Variants in DNTT observed in about 807,000 individuals in gnomAD.
DNTT encodes nucleosidetriphosphate:DNA deoxynucleotidylexotransferase.
DNTT carries 47 observed loss-of-function variants against 60.9 expected under a neutral mutation model. The ratio of observed to expected loss-of-function variants is 0.77; its 90% CI spans 0.61 to 0.98. The LOEUF (loss-of-function observed/expected upper bound fraction) is 0.98, where lower values mean the gene tolerates loss of function less well. DNTT is among the 50% of genes least tolerant of loss of function. The pLI, the probability that DNTT is intolerant of heterozygous loss-of-function variation, is 0.00. For missense variants in DNTT, 665 were observed against 627.5 expected, an observed-to-expected ratio of 1.06 and a Z score of -0.64; for synonymous variants, 224 against 221.2, an observed-to-expected ratio of 1.01 and a Z score of -0.11.
At chr10:96,337,229 G>A (rs2133997939) in intron 10 of DNTT, among the ~76,000 whole-genome samples, 1 of 152,258 alleles carries the variant, frequency 6.6e-6, no homozygotes, top group East Asian at 1.9e-4. Flanking sequence ...TTTCCTAATA[G>A]TTCCCCCAAG....
chr10:96,320,338 T>C (rs1259649815), intron 3 of DNTT, among the ~76,000 whole-genome samples: 2 of 152,218 alleles, frequency 1.3e-5, no homozygotes, highest in African/African-American at 4.8e-5. Flanking sequence ...AGCAAGATGC[T>C]GTGAGCACCA....
intron 1 of DNTT, among the ~76,000 whole-genome samples, chr10:96,315,704 G>T (rs1301941457): frequency 6.6e-6 from 1 of 151,310 alleles, no homozygotes; most frequent in African/African-American, 2.4e-5. Flanking sequence ...TCAGGGTTAG[G>T]TAAAACTCTA....
At chr10:96,334,162 G>A (rs1376285551) in intron 9 of DNTT, among the ~76,000 whole-genome samples, 2 of 152,178 alleles carry the variant, frequency 1.3e-5, no homozygotes, top group African/African-American at 4.8e-5. Flanking sequence ...CACAAGTTGA[G>A]TTCATCCCAG....
intron 1 of DNTT, among the ~76,000 whole-genome samples, chr10:96,311,540 A>G (rs1844713639): frequency 6.6e-6 from 1 of 152,262 alleles, no homozygotes; most frequent in African/African-American, 2.4e-5. Flanking sequence ...AGTTAATTCC[A>G]TAACCCAGGG....
rs1228057725 is a variant in DNTT at position 96,335,867 on chromosome 10, T to A, written c.1360-24T>A. 4 of 1,611,844 alleles carry A rather than the reference T, an allele frequency of 2.5e-6. No individual in the cohort carries two copies. The African/African-American group carries it at 5.3e-5, about 22-fold the overall frequency. ...AAGACATTCTAGACGTGTTAATAAT[T>A]TATTTTAACTATCTCCTATCCAGCA... On this transcript the variant is annotated intron_variant, in intron 9 of 10. Coordinates refer to ENST00000371174, the MANE Select transcript of DNTT (RefSeq NM_004088.4).
chr10:96,323,789 T>C (rs2133990518), intron 5 of DNTT, among the ~76,000 whole-genome samples: 1 of 152,320 alleles, frequency 6.6e-6, no homozygotes, highest in African/African-American at 2.4e-5. Context: ...AGCACAGGCT[T>C]GGAGTGTAAA....
chr10:96,320,374 T>C (rs572655166), intron 3 of DNTT, among the ~76,000 whole-genome samples: 1 of 152,302 alleles, frequency 6.6e-6, no homozygotes, highest in Admixed American at 6.5e-5. Flanking sequence ...AAATCATCTG[T>C]GAATGTTTAA....
chr10:96,336,673 G>T (rs553457227), intron 10 of DNTT, among the ~76,000 whole-genome samples: 2 of 152,186 alleles, frequency 1.3e-5, no homozygotes, highest in Admixed American at 6.5e-5. Context: ...GTGGCCAGGC[G>T]CAGTGGCTCA....
At chr10:96,307,732 T>TATAA (rs1224738041) in intron 1 of DNTT, among the ~76,000 whole-genome samples, 1 of 118,490 alleles carries the variant, frequency 8.4e-6, no homozygotes, top group South Asian at 2.7e-4. Flanking sequence ...TATATATATA[T>TATAA]AAGCATATAT....
intron 4 of DNTT, 35 bp from the exon 5 acceptor site, chr10:96,322,622 T>A: frequency 6.5e-7 from 1 of 1,539,216 alleles, no homozygotes; most frequent in South Asian, 1.2e-5. Flanking sequence ...TTGTCCAACA[T>A]CACTAATTTA....
chr10:96,322,537 C>T (rs1301493202), intron 4 of DNTT, 120 bp from the exon 5 acceptor site: 1 of 603,734 alleles, frequency 1.7e-6, no homozygotes, highest in Non-Finnish European at 2.8e-6. Flanking sequence ...GGGAAATACC[C>T]CTGCATGTGA....
intron 1 of DNTT, among the ~76,000 whole-genome samples, chr10:96,307,109 AAC>A (rs1438037572): frequency 2.0e-5 from 3 of 152,206 alleles, no homozygotes; most frequent in East Asian, 1.9e-4. Context: ...GATAAATTAA[AAC>A]AGTTAGACAA....
intron 1 of DNTT, among the ~76,000 whole-genome samples, chr10:96,317,387 C>A (rs1253113373): frequency 2.0e-5 from 3 of 152,074 alleles, no homozygotes; most frequent in Non-Finnish European, 4.4e-5. Flanking sequence ...GTGCTTAGTA[C>A]CTGTTAAGAA....
Position 96,318,279 on chromosome 10 carries a change from A to G in DNTT, c.204-73A>G. 11 of 1,528,702 alleles carry G rather than the reference A, an allele frequency of 7.2e-6. No homozygotes were observed. In the South Asian group the frequency reaches 1.4e-4, roughly 20 times the overall value. 94.7% of individuals were successfully genotyped at this position (1,528,702 alleles called of 1,614,324 possible). A position where few individuals can be genotyped will look rare whatever the true frequency, so the allele number is the denominator to read the frequency against. On this transcript the variant is annotated intron_variant, in intron 1 of 10. Coordinates refer to ENST00000371174, the MANE Select transcript of DNTT (RefSeq NM_004088.4). Reference sequence around the variant, plus strand: ...TTCTCCATCAGATGGAATGCTCAGAAACCTTGAGGAAAGAGGAGAGCTTCT... The same window carrying G: ...TTCTCCATCAGATGGAATGCTCAGAGACCTTGAGGAAAGAGGAGAGCTTCT...
At chr10:96,322,770 T>C in intron 5 of DNTT, 42 bp downstream of exon 5, 1 of 1,485,880 alleles carries the variant, frequency 6.7e-7, no homozygotes, top group Non-Finnish European at 9.2e-7. Context: ...TGTTTTTCAG[T>C]TAATCTTATT....
intron 1 of DNTT, among the ~76,000 whole-genome samples, chr10:96,308,844 G>A (rs1308345826): frequency 6.6e-6 from 1 of 152,154 alleles, no homozygotes; most frequent in Non-Finnish European, 1.5e-5. Context: ...AAGGGTGGGG[G>A]AGATTACAAA....
chr10:96,326,990 A>C (rs529359195), intron 6 of DNTT, among the ~76,000 whole-genome samples: 7 of 152,252 alleles, frequency 4.6e-5, no homozygotes, highest in Non-Finnish European at 7.3e-5. Context: ...GCAAAGAAGC[A>C]ACAAGCTAAA....
In DNTT at chr10:96,338,400, G is replaced by T. The variant is rs188150899; in HGVS notation, c.*176G>T. On this transcript the variant is annotated 3_prime_UTR_variant, in exon 11 of 11. Coordinates refer to ENST00000371174, the MANE Select transcript of DNTT (RefSeq NM_004088.4). ...GAAGGTGCCACTGGTAATGGGTAAG[G>T]TTCTAATAGGCCATGTTTATGACTG... 22 of 545,746 alleles carry T rather than the reference G, an allele frequency of 4.0e-5. No individual in the cohort carries two copies. The highest frequency in any genetic ancestry group is 3.6e-4 in the African/African-American group (19 of 52,818). The allele number at this position is 545,746 out of a possible 1,614,324, so 33.8% of individuals were successfully genotyped here.
chr10:96,338,178 C>A lies in DNTT; in HGVS notation c.1484C>A (p.Ala495Glu), dbSNP rs758962884. Reference sequence around the variant, plus strand: ...GCAGAAAGTGAAGAAGAAATTTTTGCGCATCTGGGATTGGATTATATTGAA... The same window carrying A: ...GCAGAAAGTGAAGAAGAAATTTTTGAGCATCTGGGATTGGATTATATTGAA... The part of the protein sequence containing the change: ...LKAESEEEIF[A>E]HLGLDYIEPW... The change falls in exon 11 of 11, where the codon GCG becomes GAG. Residue 495 changes from alanine to glutamate, a missense_variant. Coordinates refer to ENST00000371174, the MANE Select transcript of DNTT (RefSeq NM_004088.4). 2.5e-6 allele frequency: 4 copies of A among 1,612,844 alleles called. No homozygotes were observed. In the East Asian group the frequency reaches 8.9e-5, roughly 36 times the overall value.
Sources: gnomAD v4.1 joint callset for allele counts (sites outside exome capture counted in the v4.1 genomes callset) on GRCh38, gnomAD v4.1.1 for gene constraint, MANE v1.5 for transcripts, NCBI Gene and HGNC (gene_info 2026-07-23, HGNC 2026-07-21) for gene names.